Variants in PLEKHH2 observed in about 807,000 individuals in gnomAD.
PLEKHH2 encodes pleckstrin homology, MyTH4 and FERM domain containing H2, also known as pleckstrin homology domain-containing family H member 2.
In PLEKHH2, 129 loss-of-function variants were observed where a neutral mutation model predicts 187.9. The ratio of observed to expected loss-of-function variants is 0.69; its 90% CI spans 0.59 to 0.79. The LOEUF (loss-of-function observed/expected upper bound fraction) is 0.79. Ranked by LOEUF, PLEKHH2 falls within the 30% of genes least tolerant of loss-of-function variation. PLEKHH2 has a pLI of 0.00. For synonymous variants in PLEKHH2, 686 were observed against 605.6 expected, an observed-to-expected ratio of 1.13 and a Z score of -1.95; for missense variants, 2,076 against 1,751.2, an observed-to-expected ratio of 1.19 and a Z score of -3.31.
rs536290234 is a variant in PLEKHH2 at position 43,637,265 on chromosome 2, C to T, written c.-118C>T. On this transcript the variant is annotated 5_prime_UTR_variant, in exon 1 of 30. Coordinates refer to ENST00000282406, the MANE Select transcript of PLEKHH2 (RefSeq NM_172069.4). ...CTGGAGGAGGCGGTGCCCTTCCCCG[C>T]CCTCTCCGAGCTCGGCTTGAGGCGG... is the stretch of plus-strand genomic sequence containing the variant. 1.1e-4 allele frequency: 17 copies of T among 152,428 alleles called. No individual in the cohort carries two copies. The East Asian group carries it at 3.1e-3, about 28-fold the overall frequency. 9.4% of individuals were successfully genotyped at this position (152,428 alleles called of 1,614,324 possible). A position where few individuals can be genotyped will look rare whatever the true frequency, so the allele number is the denominator to read the frequency against.
chr2:43,701,667 A>G (rs1669372943), intron 8 of PLEKHH2, among the ~76,000 whole-genome samples: 1 of 151,864 alleles, frequency 6.6e-6, no homozygotes, highest in Admixed American at 6.6e-5. Flanking sequence ...ATCTTCTTCC[A>G]TTGAAACATT....
At chr2:43,643,668 G>A (rs926277939) in intron 1 of PLEKHH2, among the ~76,000 whole-genome samples, 2 of 152,064 alleles carry the variant, frequency 1.3e-5, no homozygotes, top group African/African-American at 2.4e-5. Context: ...TGCTGTCACC[G>A]TTCTTCATAA....
chr2:43,712,232 C>A lies in PLEKHH2; in HGVS notation c.2309C>A (p.Thr770Asn). 5 of 1,612,672 alleles carry A rather than the reference C, an allele frequency of 3.1e-6. No individual in the cohort carries two copies. Among genetic ancestry groups the A allele is most frequent in the Non-Finnish European group, 4.2e-6 (5 of 1,178,746 alleles). The change falls in exon 15 of 30, where the codon ACT (threonine) becomes AAT (asparagine). Residue 770 changes from threonine to asparagine, a missense_variant. Thr to Asn is a moderately conservative substitution (Grantham distance 65, BLOSUM62 0). Coordinates refer to ENST00000282406, the MANE Select transcript of PLEKHH2 (RefSeq NM_172069.4). ...TTTCTCGTTGCATTCTAGTTGACCA[C>A]TGAAAAACACACATACTATCTGACT... ...GDNKQTVQLT[T>N]EKHTYYLTAD...
chr2:43,741,774 A>C (rs1013738841), intron 21 of PLEKHH2, among the ~76,000 whole-genome samples: 19 of 152,224 alleles, frequency 1.2e-4, no homozygotes, highest in African/African-American at 4.3e-4. Flanking sequence ...AGGAGCCCCG[A>C]GACCAAGGAT....
In PLEKHH2 at chr2:43,702,327, A is replaced by G. The variant is rs552783003; in HGVS notation, c.1651-1654A>G. On this transcript the variant is annotated intron_variant, in intron 8 of 29. Coordinates refer to ENST00000282406, the MANE Select transcript of PLEKHH2 (RefSeq NM_172069.4). ...GAGGACATTTTATTTCAATATCCAC[A>G]TGAAACCTTCTGTAGTTTATTACTA... is the stretch of plus-strand genomic sequence containing the variant. Among the ~76,000 whole-genome samples the G allele has an allele frequency of 4.9e-4, 74 of 152,316 alleles. No individual in the cohort carries two copies. In the Middle Eastern group the frequency reaches 0.01, roughly 21 times the overall value.
intron 6 of PLEKHH2, among the ~76,000 whole-genome samples, chr2:43,696,722 C>T (rs988770646): frequency 6.6e-6 from 1 of 152,044 alleles, no homozygotes; most frequent in Non-Finnish European, 1.5e-5. Flanking sequence ...GGATGGTTGC[C>T]CCAAGGATGA....
At chr2:43,757,298 G>A in intron 26 of PLEKHH2, 34 bp downstream of exon 26, 5 of 1,402,836 alleles carry the variant, frequency 3.6e-6, no homozygotes, top group Non-Finnish European at 4.7e-6. Context: ...TATAGGGTAG[G>A]GTCATACTAG....
At chr2:43,653,391 C>G (rs1666584548) in intron 2 of PLEKHH2, among the ~76,000 whole-genome samples, 1 of 152,134 alleles carries the variant, frequency 6.6e-6, no homozygotes, top group Non-Finnish European at 1.5e-5. Flanking sequence ...AAAATGTCTT[C>G]AAAATTCTGA....
chr2:43,719,346 T>C (rs1572614492), intron 15 of PLEKHH2, among the ~76,000 whole-genome samples: 1 of 152,234 alleles, frequency 6.6e-6, no homozygotes, highest in African/African-American at 2.4e-5. Flanking sequence ...TTTATTACTT[T>C]GTATGATTAC....
At chr2:43,659,253 T>C (rs947221446) in intron 2 of PLEKHH2, among the ~76,000 whole-genome samples, 1 of 151,914 alleles carries the variant, frequency 6.6e-6, no homozygotes, top group South Asian at 2.1e-4. Context: ...TGCCTCAGCC[T>C]CCCAAAGTGT....
At chr2:43,739,365 T>G (rs1440803404) in intron 20 of PLEKHH2, among the ~76,000 whole-genome samples, 1 of 152,326 alleles carries the variant, frequency 6.6e-6, no homozygotes, top group African/African-American at 2.4e-5. Context: ...ATTTTTCAGG[T>G]GTTTGGTAGT....
Position 43,678,481 on chromosome 2 carries a change from G to T in PLEKHH2, c.124-382G>T, listed in dbSNP as rs547379545. Among the ~76,000 whole-genome samples, 5 of 152,318 alleles carry T rather than the reference G, an allele frequency of 3.3e-5. No homozygotes were observed. The South Asian group carries it at 1.0e-3, about 32-fold the overall frequency. Reference sequence around the variant, plus strand: ...CCGGCACCTCAGGAGGCCGAGGCTCGCAGATCACTCGCGGTTAGGAGCTGG... The same window carrying T: ...CCGGCACCTCAGGAGGCCGAGGCTCTCAGATCACTCGCGGTTAGGAGCTGG... On this transcript the variant is annotated intron_variant, in intron 2 of 29. Transcript: ENST00000282406.
chr2:43,651,771 C>A (rs1211229297), intron 2 of PLEKHH2, among the ~76,000 whole-genome samples: 1 of 152,210 alleles, frequency 6.6e-6, no homozygotes, highest in Non-Finnish European at 1.5e-5. Context: ...ATGGGAATAA[C>A]AATTCCTGTC....
chr2:43,726,059 A>G (rs1182805591), intron 16 of PLEKHH2, among the ~76,000 whole-genome samples: 6 of 151,348 alleles, frequency 4.0e-5, no homozygotes, highest in Admixed American at 1.3e-4. Context: ...TCAAGGTTAC[A>G]GTGAGGTTAC....
chr2:43,645,344 T>A (rs1485940305), intron 2 of PLEKHH2, among the ~76,000 whole-genome samples: 1 of 152,182 alleles, frequency 6.6e-6, no homozygotes, highest in Non-Finnish European at 1.5e-5. Flanking sequence ...ATAAAACCAA[T>A]AGATTTGTTC....
intron 26 of PLEKHH2, among the ~76,000 whole-genome samples, chr2:43,757,917 G>A (rs1672280226): frequency 6.6e-6 from 1 of 152,046 alleles, no homozygotes; most frequent in East Asian, 1.9e-4. Context: ...ATTATATTTT[G>A]TATATTCTAT....
intron 17 of PLEKHH2, among the ~76,000 whole-genome samples, chr2:43,727,772 G>A (rs1008331332): frequency 1.2e-4 from 18 of 152,216 alleles, no homozygotes; most frequent in African/African-American, 3.6e-4. Context: ...CTGGCAAGAG[G>A]CAGAGTTGAT....
intron 19 of PLEKHH2, among the ~76,000 whole-genome samples, chr2:43,736,638 AGCCTGGCCAACAG>A (rs2104584092): frequency 6.6e-6 from 1 of 152,296 alleles, no homozygotes; most frequent in East Asian, 1.9e-4. Context: ...GTTCGAGACC[AGCCTGGCCAACAG>A]GGGGAAACCC....
chr2:43,759,064 A>G (rs767333365), intron 27 of PLEKHH2, 35 bp downstream of exon 27: 32 of 1,591,768 alleles, frequency 2.0e-5, no homozygotes, highest in Non-Finnish European at 2.7e-5. Context: ...CATAATGAAA[A>G]CCTTTGTGTA....
Sources: gnomAD v4.1 joint callset for allele counts (sites outside exome capture counted in the v4.1 genomes callset) on GRCh38, gnomAD v4.1.1 for gene constraint, MANE v1.5 for transcripts, NCBI Gene and HGNC (gene_info 2026-07-23, HGNC 2026-07-21) for gene names.